The following PCDHGB3 variants were observed in gnomAD, a reference collection of about 807,000 sequenced individuals.
PCDHGB3 encodes the protein protocadherin gamma-B3.
A neutral mutation model predicts 59.2 loss-of-function variants in PCDHGB3; 40 were observed. The observed-to-expected ratio is 0.68, with a 90% CI of 0.52 to 0.88. PCDHGB3 has a LOEUF of 0.88. Ranked by LOEUF, PCDHGB3 falls within the 40% of genes least tolerant of loss-of-function variation. The probability of loss-of-function intolerance (pLI) is 0.00; values close to 1 mark genes in which losing one functional copy is unlikely to be tolerated. For synonymous variants in PCDHGB3, 581 were observed against 503.6 expected (o/e 1.15, Z -2.06); for missense variants, 1,309 against 1,187.9 (o/e 1.10, Z -1.50).
chr5:141,393,766 A>G, intron 1 of PCDHGB3: 2 of 1,613,950 alleles, frequency 1.2e-6, no homozygotes. Flanking sequence ...TATGAAATGG[A>G]AATACAAGCC....
chr5:141,388,818 G>T, intron 1 of PCDHGB3: 2 of 1,613,928 alleles, frequency 1.2e-6, no homozygotes, highest in Non-Finnish European at 1.7e-6. Context: ...AGAAGTCAAA[G>T]AATATTCCAT....
At chr5:141,422,690 T>G (rs1384522137) in intron 1 of PCDHGB3, 1 of 1,603,908 alleles carries the variant, frequency 6.2e-7, no homozygotes, top group Admixed American at 1.7e-5. Context: ...AATGCCCTGG[T>G]CACTTACTCT....
chr5:141,421,933 G>A (rs1310432014), intron 1 of PCDHGB3: 1 of 1,613,446 alleles, frequency 6.2e-7, no homozygotes, highest in Non-Finnish European at 8.5e-7. Flanking sequence ...GGTCCTCGAT[G>A]TAAATGATCA....
intron 3 of PCDHGB3, among the ~76,000 whole-genome samples, chr5:141,507,500 A>G (rs2099861039): frequency 6.6e-6 from 1 of 152,206 alleles, no homozygotes; most frequent in Admixed American, 6.5e-5. Flanking sequence ...GAGCTGTCCC[A>G]GGTCTGGTGG....
intron 1 of PCDHGB3, chr5:141,378,778 C>G (rs962575356): frequency 6.6e-5 from 10 of 152,270 alleles, no homozygotes; most frequent in Middle Eastern, 3.4e-3. Flanking sequence ...ACTGATTAGT[C>G]TTATTTATTA....
In PCDHGB3 at chr5:141,432,076, G is replaced by A. The variant is rs1442341840; in HGVS notation, c.2415+59267G>A. The A allele has an allele frequency of 1.2e-6, 2 of 1,614,160 alleles. No homozygotes were observed. Among genetic ancestry groups the A allele is most frequent in the East Asian group, 2.2e-5 (1 of 44,872 alleles). On this transcript the variant is annotated intron_variant, in intron 1 of 3. Coordinates refer to ENST00000576222, the MANE Select transcript of PCDHGB3 (RefSeq NM_018924.5). This position sits in a 1 kb window ranked among gnomAD's most constrained non-coding sequence, Gnocchi z 6.0. ...CCCTATCCACGGAAACTCATATCTCGCTGAACGTGGCAGACACCAACGACA... is the reference window on the plus strand; with the variant it reads ...CCCTATCCACGGAAACTCATATCTCACTGAACGTGGCAGACACCAACGACA...
At position 141,476,978 on chromosome 5, in the gene PCDHGB3, C is replaced by T; in HGVS notation, c.2416-17829C>T. 2 of 1,614,256 alleles carry T rather than the reference C, an allele frequency of 1.2e-6. No homozygotes were observed. Among genetic ancestry groups the T allele is most frequent in the Non-Finnish European group, 1.7e-6 (2 of 1,180,058 alleles). ...TATTTACTCCTTCGGCAGCCACAAC[C>T]GCGCCGGCGTGCGGCAACTATTCGC... On this transcript the variant is annotated intron_variant, in intron 1 of 3. Coordinates refer to ENST00000576222, the MANE Select transcript of PCDHGB3 (RefSeq NM_018924.5). This position sits in a 1 kb window ranked among gnomAD's most constrained non-coding sequence, Gnocchi z 7.6.
At chr5:141,430,656 G>A in intron 1 of PCDHGB3, 1 of 1,092,670 alleles carries the variant, frequency 9.2e-7, no homozygotes, top group Non-Finnish European at 1.3e-6. Context: ...GGAAACAACG[G>A]AGGAGCTCTG....
chr5:141,476,929 G>T lies in PCDHGB3; in HGVS notation c.2416-17878G>T, dbSNP rs1375082202. 6.2e-7 allele frequency: 1 copy of T among 1,614,136 alleles called. No homozygotes were observed. Among genetic ancestry groups the T allele is most frequent in the Admixed American group, 1.7e-5 (1 of 60,034 alleles). On this transcript the variant is annotated intron_variant, in intron 1 of 3. Transcript: ENST00000576222. This position sits in a 1 kb window ranked among gnomAD's most constrained non-coding sequence, Gnocchi z 7.6. ...TGGTACAAGTCCTTGCAACGGATCT[G>T]GATGAAGGCCCCAACGGTGAAATTA...
At chr5:141,438,136 A>C (rs2097931548) in intron 1 of PCDHGB3, among the ~76,000 whole-genome samples, 1 of 152,186 alleles carries the variant, frequency 6.6e-6, no homozygotes, top group Non-Finnish European at 1.5e-5. Flanking sequence ...TAATGGCAAA[A>C]GATAGCCAGC....
At chr5:141,414,722 G>T in intron 1 of PCDHGB3, 1 of 1,614,128 alleles carries the variant, frequency 6.2e-7, no homozygotes, top group South Asian at 1.1e-5. Flanking sequence ...TCAGACACTG[G>T]CGTCCTGTAT....
chr5:141,407,958 A>G lies in PCDHGB3; in HGVS notation c.2415+35149A>G, dbSNP rs1018466165. On this transcript the variant is annotated intron_variant, in intron 1 of 3. Transcript: ENST00000576222. ...TGGGCGCCGCTGTCGGCCAGTGCAG[A>G]GCAAGCGCTGACGCCGGGGATCCGT... 5 of 660,632 alleles carry G rather than the reference A, an allele frequency of 7.6e-6. No homozygotes were observed. In the South Asian group the frequency reaches 1.2e-4, roughly 15 times the overall value. 40.9% of individuals were successfully genotyped at this position (660,632 alleles called of 1,614,324 possible).
intron 1 of PCDHGB3, chr5:141,392,574 C>G (rs2092557177): frequency 2.2e-6 from 1 of 454,134 alleles, no homozygotes; most frequent in African/African-American, 2.0e-5. Flanking sequence ...CTATTTAGGA[C>G]TGTAAGCGCC....
rs529934949 is a variant in PCDHGB3 at position 141,383,902 on chromosome 5, A to C, written c.2415+11093A>C. ...TAGTCTGACAAAGGCAAAAGTACTG[A>C]TCACAGTTTTAGATGTAAATGATAA... On this transcript the variant is annotated intron_variant, in intron 1 of 3. Coordinates refer to ENST00000576222, the MANE Select transcript of PCDHGB3 (RefSeq NM_018924.5). The C allele has an allele frequency of 4.8e-5, 77 of 1,613,976 alleles. 1 individual carries two copies. The South Asian group carries it at 7.9e-4, about 17-fold the overall frequency.
intron 1 of PCDHGB3, chr5:141,415,172 T>G (rs770772038): frequency 1.2e-6 from 2 of 1,613,882 alleles, no homozygotes; most frequent in Non-Finnish European, 1.7e-6. Context: ...ACGCTCACCG[T>G]GGCCGTGGCC....
chr5:141,399,173 T>C, intron 1 of PCDHGB3: 1 of 1,613,830 alleles, frequency 6.2e-7, no homozygotes, highest in East Asian at 2.2e-5. Context: ...CATTCTCTAC[T>C]TGAAATGATT....
At chr5:141,469,893 A>G (rs2099214569) in intron 1 of PCDHGB3, among the ~76,000 whole-genome samples, 1 of 152,200 alleles carries the variant, frequency 6.6e-6, no homozygotes, top group South Asian at 2.1e-4. Context: ...CACTTTGGGA[A>G]GCCGAGGCAG....
chr5:141,428,367 G>C, intron 1 of PCDHGB3: 1 of 546,792 alleles, frequency 1.8e-6, no homozygotes, highest in South Asian at 1.9e-5. Context: ...CGGTCGCCTT[G>C]CACCTGCGAT....
At chr5:141,388,676 G>A in intron 1 of PCDHGB3, 7 of 1,613,946 alleles carry the variant, frequency 4.3e-6, no homozygotes, top group East Asian at 2.2e-5. Flanking sequence ...TGCTACAGGT[G>A]ACTGCCACGG....
Sources: allele counts gnomAD v4.1 joint callset (sites outside exome capture counted in the v4.1 genomes callset), GRCh38; gene constraint gnomAD v4.1.1; non-coding constraint Gnocchi (gnomAD v3.1); transcripts MANE v1.5; gene names NCBI Gene and HGNC (gene_info 2026-07-23, HGNC 2026-07-21).